The following RHBDD1 variants were observed in gnomAD, a reference collection of about 807,000 sequenced individuals.
RHBDD1 encodes rhomboid domain containing 1.
Under a neutral mutation model 36.3 loss-of-function variants are expected in RHBDD1, and 38 were observed. The ratio of observed to expected loss-of-function variants is 1.05; its 90% CI spans 0.81 to 1.37. RHBDD1 has a LOEUF of 1.37. Ranked by LOEUF, RHBDD1 falls within the 40% of genes most tolerant of loss-of-function variation. RHBDD1 has a pLI of 0.00. For missense variants in RHBDD1, 393 were observed against 377.6 expected (o/e 1.04, Z -0.34); for synonymous variants, 151 against 136.5 (o/e 1.11, Z -0.74).
At chr2:226,946,170 A>G (rs533163868) in intron 8 of RHBDD1, among the ~76,000 whole-genome samples, 2 of 152,256 alleles carry the variant, frequency 1.3e-5, no homozygotes, top group South Asian at 2.1e-4. Flanking sequence ...CCGTTTGTCA[A>G]TTGTGGCTTT....
intron 8 of RHBDD1, among the ~76,000 whole-genome samples, chr2:226,919,304 C>T (rs1949139847): frequency 6.6e-6 from 1 of 151,972 alleles, no homozygotes; most frequent in South Asian, 2.1e-4. Flanking sequence ...GTTTCCTTTC[C>T]TGTAAAGAAG....
chr2:226,919,917 A>T (rs895157052), intron 8 of RHBDD1, among the ~76,000 whole-genome samples: 2 of 152,060 alleles, frequency 1.3e-5, no homozygotes, highest in African/African-American at 4.8e-5. Context: ...TTTGGGTAGT[A>T]TGGACATTTT....
intron 8 of RHBDD1, among the ~76,000 whole-genome samples, chr2:226,934,519 A>G (rs1394098263): frequency 6.6e-6 from 1 of 152,144 alleles, no homozygotes; most frequent in Non-Finnish European, 1.5e-5. Flanking sequence ...CTATTATCGT[A>G]TTTCATAATA....
chr2:226,980,686 A>G (rs905670903), intron 8 of RHBDD1, among the ~76,000 whole-genome samples: 2 of 152,170 alleles, frequency 1.3e-5, no homozygotes, highest in African/African-American at 2.4e-5. Flanking sequence ...TATCTGGCCA[A>G]AGCACATATT....
chr2:226,980,206 T>C (rs1328586961), intron 8 of RHBDD1, among the ~76,000 whole-genome samples: 2 of 152,112 alleles, frequency 1.3e-5, no homozygotes, highest in East Asian at 1.9e-4. Flanking sequence ...GATAAGAAAA[T>C]TGAGGATCAG....
chr2:226,875,161 T>C (rs1224003575), intron 5 of RHBDD1, among the ~76,000 whole-genome samples: 1 of 152,220 alleles, frequency 6.6e-6, no homozygotes, highest in East Asian at 1.9e-4. Flanking sequence ...ACCATCTGCC[T>C]GACACAAAGT....
intron 8 of RHBDD1, among the ~76,000 whole-genome samples, chr2:226,980,782 G>T (rs1021334380): frequency 1.3e-5 from 2 of 152,104 alleles, no homozygotes; most frequent in Non-Finnish European, 2.9e-5. Context: ...CCTAATTCTA[G>T]GTTCCTAACT....
chr2:226,941,221 CTCCCAAA>C lies in RHBDD1; in HGVS notation c.856+26871_856+26877del, dbSNP rs540815948. On this transcript the variant is annotated intron_variant, in intron 8 of 8. Transcript: ENST00000392062. ...TCTCAGGTGATCCACCCGCCTCAGC[CTCCCAAA>C]GTGCTGGGATTACAGGCGTGAGCCA... Among the ~76,000 whole-genome samples, 248 of 152,310 alleles carry C rather than the reference CTCCCAAA, an allele frequency of 1.6e-3. 1 individual carries two copies. Among genetic ancestry groups the C allele is most frequent in the African/African-American group, 5.9e-3 (246 of 41,582 alleles).
At chr2:226,939,704 A>G (rs1392238993) in intron 8 of RHBDD1, among the ~76,000 whole-genome samples, 2 of 152,252 alleles carry the variant, frequency 1.3e-5, no homozygotes, top group African/African-American at 4.8e-5. Flanking sequence ...AGCAGTTTAT[A>G]GATTCAATGC....
chr2:226,964,717 C>T lies in RHBDD1; in HGVS notation c.857-30714C>T, dbSNP rs149132064. 2.7e-3 allele frequency among the ~76,000 whole-genome samples: 404 copies of T among 152,288 alleles called. 1 individual carries two copies. Among genetic ancestry groups the T allele is most frequent in the Admixed American group, 3.9e-3 (59 of 15,308 alleles). On this transcript the variant is annotated intron_variant, in intron 8 of 8. Transcript: ENST00000392062. ...AACTCATTCCTTTTGGCCTTTTGGA[C>T]GTAGTGAGTAACCAAGCCTTCTTGA...
At chr2:226,896,250 G>C (rs192312702) in intron 5 of RHBDD1, among the ~76,000 whole-genome samples, 2 of 152,204 alleles carry the variant, frequency 1.3e-5, no homozygotes, top group Admixed American at 1.3e-4. Flanking sequence ...CTGAGTTCTT[G>C]CATTGTCTCT....
the RHBDD1 span, among the ~76,000 whole-genome samples, chr2:226,814,783 G>A: frequency 9.2e-5 from 14 of 152,268 alleles, no homozygotes; most frequent in South Asian, 1.0e-3. Context: ...CACTCTCCCC[G>A]TCTCCTTCCC....
intron 3 of RHBDD1, among the ~76,000 whole-genome samples, chr2:226,843,509 C>T (rs1034524448): frequency 1.3e-5 from 2 of 152,174 alleles, no homozygotes; most frequent in Non-Finnish European, 2.9e-5. Flanking sequence ...AAGGCCTTTT[C>T]TGCATCAGTT....
At chr2:226,947,082 G>T (rs1951037998) in intron 8 of RHBDD1, among the ~76,000 whole-genome samples, 1 of 152,064 alleles carries the variant, frequency 6.6e-6, no homozygotes, top group Non-Finnish European at 1.5e-5. Flanking sequence ...AGTTTCTTTT[G>T]CTGTGCAGAA....
Position 226,911,458 on chromosome 2 carries a change from G to A in RHBDD1, c.712+2580G>A, listed in dbSNP as rs564599167. Among the ~76,000 whole-genome samples the A allele has an allele frequency of 2.0e-5, 3 of 151,498 alleles. No individual in the cohort carries two copies. In the South Asian group the frequency reaches 6.2e-4, roughly 32 times the overall value. ...TCTCTATAAATATTCTATTAGTGTTGCAGAATGGTTGCCACTTTCTTTGAT... is the reference window on the plus strand; with the variant it reads ...TCTCTATAAATATTCTATTAGTGTTACAGAATGGTTGCCACTTTCTTTGAT... On this transcript the variant is annotated intron_variant, in intron 7 of 8. Transcript: ENST00000392062.
intron 8 of RHBDD1, among the ~76,000 whole-genome samples, chr2:226,976,387 A>G (rs1342117843): frequency 2.0e-5 from 3 of 151,494 alleles, no homozygotes; most frequent in South Asian, 2.1e-4. Flanking sequence ...CTGCTTTGAC[A>G]TGCAGCAACA....
chr2:226,948,535 T>A, intron 8 of RHBDD1, among the ~76,000 whole-genome samples: 1 of 124,392 alleles, frequency 8.0e-6, no homozygotes, highest in African/African-American at 3.1e-5. Context: ...ACCTGCACAA[T>A]GTGCACATGT....
rs1265941927 is a variant in RHBDD1, at chr2:226,908,876, C to G, written c.710C>G (p.Ser237Ter). The G allele has an allele frequency of 1.1e-5, 17 of 1,573,326 alleles. No homozygotes were observed. The East Asian group carries it at 3.8e-4, about 35-fold the overall frequency. Residue 237 changes from serine to a stop codon, truncating the protein, a stop_gained and splice_region_variant, in exon 7 of 9, where the codon TCA becomes TGA. Transcript: ENST00000392062. LOFTEE classifies it high-confidence loss of function. ...YPGRQYYFNS[S>*]GSSGYQDYYP... ...GGACGGCAATACTACTTTAATAGTT[C>G]AGGTAGGCACTGTATTTCATTTAAT...
At chr2:226,803,198 G>C in the RHBDD1 span, among the ~76,000 whole-genome samples, 1 of 152,070 alleles carries the variant, frequency 6.6e-6, no homozygotes, top group African/African-American at 2.4e-5. Context: ...ATAGTAATAA[G>C]CATTTGAATG....
Sources: allele counts gnomAD v4.1 joint callset (sites outside exome capture counted in the v4.1 genomes callset), GRCh38; gene constraint gnomAD v4.1.1; transcripts MANE v1.5; gene names NCBI Gene and HGNC (gene_info 2026-07-23, HGNC 2026-07-21).